Variants in OR9Q1 observed in about 807,000 individuals in gnomAD.
The protein encoded by OR9Q1 is olfactory receptor family 9 subfamily Q member 1, also known as olfactory receptor 9Q1.
For synonymous variants in OR9Q1, 153 were observed against 148.6 expected (o/e 1.03, Z -0.22); for missense variants, 374 against 378.8 (o/e 0.99, Z 0.11).
At chr11:58,042,960 T>A (rs1421596926) in intron 1 of OR9Q1, among the ~76,000 whole-genome samples, 1 of 152,186 alleles carries the variant, frequency 6.6e-6, no homozygotes, top group Non-Finnish European at 1.5e-5. Context: ...CTGTTATTGG[T>A]GTGTGAGAAT....
chr11:58,101,832 C>T (rs56160469), intron 2 of OR9Q1, among the ~76,000 whole-genome samples: 7,128 of 152,144 alleles, frequency 0.047, 199 homozygotes, highest in African/African-American at 0.075. Flanking sequence ...CTGCAACTTC[C>T]GCCTCCCAGG....
At chr11:58,058,935 G>A (rs960035485) in intron 2 of OR9Q1, among the ~76,000 whole-genome samples, 2 of 152,202 alleles carry the variant, frequency 1.3e-5, no homozygotes, top group African/African-American at 4.8e-5. Flanking sequence ...AACTGGGGGC[G>A]CTGAGATCCA....
intron 2 of OR9Q1, among the ~76,000 whole-genome samples, chr11:58,139,930 TCCTC>T (rs1405037479): frequency 1.0e-3 from 155 of 150,534 alleles, no homozygotes; most frequent in South Asian, 3.0e-3. Flanking sequence ...TTTCTCCACA[TCCTC>T]TCCAGCACCT....
At chr11:58,061,590 T>A (rs1158547178) in intron 2 of OR9Q1, among the ~76,000 whole-genome samples, 1 of 152,238 alleles carries the variant, frequency 6.6e-6, no homozygotes, top group Non-Finnish European at 1.5e-5. Context: ...CTTCATTGTT[T>A]CTAGCTCTTC....
intron 1 of OR9Q1, among the ~76,000 whole-genome samples, chr11:58,035,618 G>A (rs1051230592): frequency 5.5e-4 from 83 of 152,290 alleles, no homozygotes; most frequent in African/African-American, 1.9e-3. Context: ...GGACTGAATT[G>A]GGGGAAAGAC....
chr11:58,173,293 C>G (rs969252607), intron 2 of OR9Q1, among the ~76,000 whole-genome samples: 4 of 115,768 alleles, frequency 3.5e-5, no homozygotes, highest in East Asian at 3.2e-4. Flanking sequence ...CCCCTCCCCC[C>G]ACCCCACAAC....
intron 1 of OR9Q1, among the ~76,000 whole-genome samples, chr11:58,048,094 G>A (rs974043647): frequency 1.3e-5 from 2 of 152,160 alleles, no homozygotes; most frequent in South Asian, 2.1e-4. Flanking sequence ...GCCTAAGACT[G>A]CTTCACAGAT....
intron 2 of OR9Q1, among the ~76,000 whole-genome samples, chr11:58,128,392 A>C (rs1854109628): frequency 6.6e-6 from 1 of 152,142 alleles, no homozygotes; most frequent in Non-Finnish European, 1.5e-5. Context: ...CAAATGGCAA[A>C]GCTGAGAAAC....
At chr11:58,178,684 A>G (rs1358375593) in intron 2 of OR9Q1, among the ~76,000 whole-genome samples, 1 of 151,886 alleles carries the variant, frequency 6.6e-6, no homozygotes, top group Non-Finnish European at 1.5e-5. Context: ...CAGAATGGCT[A>G]TCTGGCTTGC....
At chr11:58,107,297 G>A (rs544113549) in intron 2 of OR9Q1, among the ~76,000 whole-genome samples, 1 of 152,108 alleles carries the variant, frequency 6.6e-6, no homozygotes, top group Non-Finnish European at 1.5e-5. Flanking sequence ...GGGGTGTGAT[G>A]TTCCCCACAT....
chr11:58,070,803 C>T (rs1359298091), intron 2 of OR9Q1, among the ~76,000 whole-genome samples: 2 of 152,186 alleles, frequency 1.3e-5, no homozygotes, highest in Admixed American at 1.3e-4. Flanking sequence ...ATGTGCCTGC[C>T]TCACATTCCA....
chr11:58,082,601 TG>T (rs1180375626), intron 2 of OR9Q1, among the ~76,000 whole-genome samples: 1 of 33,510 alleles, frequency 3.0e-5, no homozygotes, highest in African/African-American at 1.2e-4. Flanking sequence ...TGTTGTGGGG[TG>T]GGGGGAGGGG....
intron 2 of OR9Q1, among the ~76,000 whole-genome samples, chr11:58,105,536 T>C (rs1051588186): frequency 6.6e-6 from 1 of 152,184 alleles, no homozygotes; most frequent in Non-Finnish European, 1.5e-5. Flanking sequence ...TCATAAACTT[T>C]TAAGTTTACA....
chr11:58,082,811 A>G (rs550865963), intron 2 of OR9Q1, among the ~76,000 whole-genome samples: 10 of 149,676 alleles, frequency 6.7e-5, no homozygotes, highest in Admixed American at 2.7e-4. Flanking sequence ...TATTATTATT[A>G]TACTTTAAGT....
intron 2 of OR9Q1, among the ~76,000 whole-genome samples, chr11:58,139,432 G>T (rs1218243281): frequency 6.7e-6 from 1 of 150,154 alleles, no homozygotes; most frequent in African/African-American, 2.4e-5. Context: ...ATCCCTCCCC[G>T]CTCCCCCCAC....
chr11:58,034,239 C>T (rs1294712150), intron 1 of OR9Q1, among the ~76,000 whole-genome samples: 1 of 151,760 alleles, frequency 6.6e-6, no homozygotes, highest in Non-Finnish European at 1.5e-5. Flanking sequence ...GGGCCCGCCA[C>T]CATGCCTGGC....
intron 2 of OR9Q1, among the ~76,000 whole-genome samples, chr11:58,173,979 G>A (rs1362180410): frequency 1.3e-5 from 2 of 152,162 alleles, no homozygotes; most frequent in African/African-American, 2.4e-5. Context: ...TTTACAGGTC[G>A]GGGTTTGGGC....
chr11:58,158,282 T>C (rs1270402486), intron 2 of OR9Q1, among the ~76,000 whole-genome samples: 5 of 152,200 alleles, frequency 3.3e-5, no homozygotes, highest in African/African-American at 1.2e-4. Flanking sequence ...AGACTGACCA[T>C]GGTACTTGTG....
chr11:58,031,036 C>T (rs755734461), intron 1 of OR9Q1: 2 of 1,614,116 alleles, frequency 1.2e-6, no homozygotes, highest in Non-Finnish European at 1.7e-6. Context: ...CACACCTCCT[C>T]TTCTTCATAC....
Sources: allele counts gnomAD v4.1 joint callset (sites outside exome capture counted in the v4.1 genomes callset), GRCh38; gene constraint gnomAD v4.1.1; transcripts MANE v1.5; gene names NCBI Gene and HGNC (gene_info 2026-07-23, HGNC 2026-07-21).